Variants in NVL observed in about 807,000 individuals in gnomAD.
NVL encodes the protein nuclear VCP like.
Under a neutral mutation model 110.2 loss-of-function variants are expected in NVL, and 84 were observed. That is an observed-to-expected ratio of 0.76 (90% CI 0.64 to 0.91). NVL has a LOEUF of 0.91. Ranked by LOEUF, NVL falls within the 40% of genes least tolerant of loss-of-function variation. The pLI is 0.00. For missense variants in NVL, 882 were observed against 1,035.9 expected, an observed-to-expected ratio of 0.85 and a Z score of 2.04; for synonymous variants, 354 against 361.1, an observed-to-expected ratio of 0.98 and a Z score of 0.22.
At chr1:224,230,701 T>G (rs1295403847) in intron 22 of NVL, among the ~76,000 whole-genome samples, 1 of 152,208 alleles carries the variant, frequency 6.6e-6, no homozygotes, top group Non-Finnish European at 1.5e-5. Flanking sequence ...AACTGTGTTC[T>G]AGTCCCTAAG....
intron 5 of NVL, among the ~76,000 whole-genome samples, chr1:224,309,017 C>G (rs1249071951): frequency 6.8e-6 from 1 of 146,560 alleles, no homozygotes; most frequent in Admixed American, 6.9e-5. Flanking sequence ...GCCGAGATCA[C>G]GCCACTGCAC....
chr1:224,255,203 TTCC>T (rs1305445315), intron 18 of NVL, among the ~76,000 whole-genome samples: 1 of 145,140 alleles, frequency 6.9e-6, no homozygotes, highest in Non-Finnish European at 1.5e-5. Flanking sequence ...TTTTTTTTTT[TTCC>T]TGAGACAGGG....
chr1:224,264,326 C>T (rs1423903846), intron 18 of NVL, among the ~76,000 whole-genome samples: 2 of 151,860 alleles, frequency 1.3e-5, no homozygotes, highest in Non-Finnish European at 2.9e-5. Flanking sequence ...TCACTGCAAC[C>T]TCCGCCTCCT....
Position 224,244,908 on chromosome 1 carries a change from G to A in NVL, c.2289+5304C>T, listed in dbSNP as rs549136187. Among the ~76,000 whole-genome samples, 57 of 152,246 alleles carry A rather than the reference G, an allele frequency of 3.7e-4. 1 individual carries two copies. The South Asian group carries it at 0.011, about 29-fold the overall frequency. On this transcript the variant is annotated intron_variant, in intron 19 of 22. Coordinates refer to ENST00000281701, the MANE Select transcript of NVL (RefSeq NM_002533.4). The stretch of plus-strand genomic sequence containing the variant: ...TCACCATATTGGCCAGGCTGGTCTC[G>A]AACTCCTGACCTCGTGATCCGCCCG...
At chr1:224,258,335 A>G (rs1663531644) in intron 18 of NVL, among the ~76,000 whole-genome samples, 1 of 152,212 alleles carries the variant, frequency 6.6e-6, no homozygotes, top group Non-Finnish European at 1.5e-5. Context: ...AGAATGAAAT[A>G]CCACCTCACA....
intron 18 of NVL, among the ~76,000 whole-genome samples, chr1:224,262,729 T>C (rs959295345): frequency 6.6e-6 from 1 of 151,928 alleles, no homozygotes; most frequent in Admixed American, 6.6e-5. Flanking sequence ...AAATATGTGA[T>C]GAACAGTAAC....
At chr1:224,316,242 TA>T (rs1670048355) in intron 4 of NVL, among the ~76,000 whole-genome samples, 1 of 151,950 alleles carries the variant, frequency 6.6e-6, no homozygotes, top group Non-Finnish European at 1.5e-5. Context: ...TACTTATCAA[TA>T]AAAAGCAATG....
At chr1:224,240,059 TA>T (rs1660999063) in intron 19 of NVL, among the ~76,000 whole-genome samples, 1 of 99,558 alleles carries the variant, frequency 1.0e-5, no homozygotes, top group Non-Finnish European at 2.1e-5. Context: ...CCACGCTGGG[TA>T]ATTTTTTTTT....
chr1:224,295,749 C>A (rs1571983346), intron 11 of NVL, among the ~76,000 whole-genome samples: 1 of 150,242 alleles, frequency 6.7e-6, no homozygotes, highest in East Asian at 2.0e-4. Flanking sequence ...AGGCTGAGGC[C>A]AGTAGATCAC....
intron 19 of NVL, among the ~76,000 whole-genome samples, chr1:224,247,181 C>T (rs1326379246): frequency 1.3e-5 from 2 of 152,008 alleles, no homozygotes; most frequent in African/African-American, 4.8e-5. Context: ...TTAACTTTGG[C>T]ATTACTGACA....
In NVL at chr1:224,303,716, G is replaced by A. The variant is rs766374015; in HGVS notation, c.960+7C>T. 6.2e-7 allele frequency: 1 copy of A among 1,606,384 alleles called. No individual in the cohort carries two copies. Among genetic ancestry groups the A allele is most frequent in the South Asian group, 1.1e-5 (1 of 89,718 alleles). On this transcript the variant is annotated splice_region_variant and intron_variant, in intron 9 of 22. Coordinates refer to ENST00000281701, the MANE Select transcript of NVL (RefSeq NM_002533.4). ...AGCAAAAGCAAACAAATGTCAGCAA[G>A]CCTCACCCCAGCAATTGCATGTGCA...
intron 12 of NVL, among the ~76,000 whole-genome samples, chr1:224,291,863 A>G (rs1667412765): frequency 6.6e-6 from 1 of 152,188 alleles, no homozygotes; most frequent in South Asian, 2.1e-4. Flanking sequence ...GTTGTACTCT[A>G]TCCCTAAAAA....
intron 19 of NVL, 61 bp downstream of exon 19, chr1:224,250,151 T>A: frequency 1.9e-6 from 3 of 1,561,288 alleles, no homozygotes; most frequent in Non-Finnish European, 2.6e-6. Flanking sequence ...CTACCTCTTA[T>A]AACTGTCTCT....
At chr1:224,313,980 G>A (rs1028302901) in intron 4 of NVL, among the ~76,000 whole-genome samples, 9 of 152,156 alleles carry the variant, frequency 5.9e-5, no homozygotes, top group Admixed American at 1.3e-4. Context: ...TCCAGCCTGG[G>A]TGACAGAGCG....
rs952624001 is a variant in NVL at position 224,286,263 on chromosome 1, T to C, written c.1795-133A>G. 8 of 651,372 alleles carry C rather than the reference T, an allele frequency of 1.2e-5. No homozygotes were observed. The African/African-American group carries it at 1.3e-4, about 10-fold the overall frequency. The allele number at this position is 651,372 out of a possible 1,614,324, so 40.3% of individuals were successfully genotyped here. On this transcript the variant is annotated intron_variant, in intron 14 of 22. Coordinates refer to ENST00000281701, the MANE Select transcript of NVL (RefSeq NM_002533.4). ...CCTCTGTCACCCAGCTAGAGTGCAG[T>C]GGTGCTATCTTGGCTCACTGCAACT...
intron 14 of NVL, among the ~76,000 whole-genome samples, chr1:224,286,337 C>G (rs1450660967): frequency 2.6e-5 from 4 of 151,880 alleles, no homozygotes; most frequent in African/African-American, 9.7e-5. Flanking sequence ...TCGTGAGTAG[C>G]TGGGACTACA....
intron 17 of NVL, among the ~76,000 whole-genome samples, chr1:224,273,032 T>A (rs1270208843): frequency 5.2e-5 from 3 of 58,164 alleles, no homozygotes; most frequent in African/African-American, 1.2e-4. Flanking sequence ...AGACTCCGTC[T>A]CAAAAAAAAA....
intron 19 of NVL, among the ~76,000 whole-genome samples, chr1:224,239,268 G>A (rs1660886419): frequency 6.6e-6 from 1 of 152,016 alleles, no homozygotes; most frequent in African/African-American, 2.4e-5. Flanking sequence ...CAACTGAATG[G>A]CCCTTATAGA....
intron 17 of NVL, among the ~76,000 whole-genome samples, chr1:224,271,400 C>T (rs61825622): frequency 0.01 from 1,590 of 152,130 alleles, 17 homozygotes; most frequent in Non-Finnish European, 0.015. Flanking sequence ...GAGGTGGGAT[C>T]ATTTCTTGAG....
Sources: allele counts gnomAD v4.1 joint callset (sites outside exome capture counted in the v4.1 genomes callset), GRCh38; gene constraint gnomAD v4.1.1; transcripts MANE v1.5; gene names NCBI Gene and HGNC (gene_info 2026-07-23, HGNC 2026-07-21).